Variants in LPP observed in about 807,000 individuals in gnomAD.
LPP encodes the protein lipoma-preferred partner.
Under a neutral mutation model 60.4 loss-of-function variants are expected in LPP, and 38 were observed. The ratio of observed to expected loss-of-function variants is 0.63; its 90% CI spans 0.49 to 0.83. LPP has a LOEUF of 0.83. Among genes scored for constraint, LPP ranks in the 40% least tolerant of loss-of-function variants. The pLI is 0.00. For synonymous variants in LPP, 328 were observed against 290.8 expected, an observed-to-expected ratio of 1.13 and a Z score of -1.30; for missense variants, 902 against 783.6, an observed-to-expected ratio of 1.15 and a Z score of -1.80.
intron 9 of LPP, among the ~76,000 whole-genome samples, chr3:188,766,409 A>C (rs1734179783): frequency 7.3e-6 from 1 of 136,452 alleles, no homozygotes; most frequent in Non-Finnish European, 1.6e-5. Flanking sequence ...ATTTATAACA[A>C]CTGACATTGA....
chr3:188,270,256 G>A (rs1737261044), intron 2 of LPP, among the ~76,000 whole-genome samples: 1 of 151,590 alleles, frequency 6.6e-6, no homozygotes, highest in African/African-American at 2.4e-5. Context: ...TCTAATGCTT[G>A]TATAAGAACA....
intron 10 of LPP, among the ~76,000 whole-genome samples, chr3:188,871,285 AAAT>A (rs1395658483): frequency 9.2e-5 from 14 of 152,214 alleles, no homozygotes; most frequent in Non-Finnish European, 1.3e-4. Flanking sequence ...CCAGATTTAA[AAAT>A]AATCTGGTAG....
chr3:188,496,751 C>T (rs1043517151), intron 5 of LPP, among the ~76,000 whole-genome samples: 11 of 152,152 alleles, frequency 7.2e-5, no homozygotes, highest in African/African-American at 2.4e-4. Context: ...TTGCTGTCAC[C>T]AGTTCTGTTG....
At chr3:188,576,695 G>C (rs1834695806) in intron 6 of LPP, among the ~76,000 whole-genome samples, 1 of 152,112 alleles carries the variant, frequency 6.6e-6, no homozygotes. Context: ...TGTTAGTCTT[G>C]CTACATATCG....
At chr3:188,196,619 T>A (rs1277724900) in intron 1 of LPP, among the ~76,000 whole-genome samples, 4 of 152,216 alleles carry the variant, frequency 2.6e-5, no homozygotes, top group African/African-American at 9.6e-5. Context: ...TCTTCCTGAG[T>A]GATATTCCAA....
At chr3:188,731,579 G>A (rs563237920) in intron 8 of LPP, among the ~76,000 whole-genome samples, 1 of 134,872 alleles carries the variant, frequency 7.4e-6, no homozygotes, top group Non-Finnish European at 1.7e-5. Context: ...CTGGAGTGCA[G>A]TGGTGCGATC....
intron 2 of LPP, among the ~76,000 whole-genome samples, chr3:188,254,919 C>A (rs977532704): frequency 5.3e-5 from 8 of 152,204 alleles, no homozygotes; most frequent in African/African-American, 1.9e-4. Flanking sequence ...CACAGTGTCT[C>A]CTTTCTCTGT....
rs576885915 is a variant in LPP at position 188,610,807 on chromosome 3, A to G, written c.1113+963A>G. Among the ~76,000 whole-genome samples, 32 of 152,336 alleles carry G rather than the reference A, an allele frequency of 2.1e-4. No individual in the cohort carries two copies. The highest frequency in any genetic ancestry group is 2.4e-4 in the Non-Finnish European group (16 of 68,030). Reference sequence around the variant, plus strand: ...AGAATAACTTGGAATCGGTGAAAATAGAGGAACTGAGCCAGTTTCCAGCCA... The same window carrying G: ...AGAATAACTTGGAATCGGTGAAAATGGAGGAACTGAGCCAGTTTCCAGCCA... On this transcript the variant is annotated intron_variant, in intron 7 of 11. Coordinates refer to ENST00000617246, the MANE Select transcript of LPP (RefSeq NM_001375462.1). This position sits in a 1 kb window ranked among gnomAD's most constrained non-coding sequence, Gnocchi z 4.4.
chr3:188,615,381 C>T (rs577777675), intron 7 of LPP, among the ~76,000 whole-genome samples: 20 of 152,264 alleles, frequency 1.3e-4, no homozygotes, highest in African/African-American at 4.6e-4. Flanking sequence ...AGGTTTTCTC[C>T]TCTTCCTAAA....
In LPP at chr3:188,889,380, G is replaced by A. The variant is rs1397601879; in HGVS notation, c.*14901G>A. The A allele has an allele frequency of 4.3e-6, 1 of 231,698 alleles. No individual in the cohort carries two copies. Among genetic ancestry groups the A allele is most frequent in the Non-Finnish European group, 8.5e-6 (1 of 117,114 alleles). The allele number at this position is 231,698 out of a possible 1,614,324, so 14.4% of individuals were successfully genotyped here. A position where few individuals can be genotyped will look rare whatever the true frequency, so the allele number is the denominator to read the frequency against. On this transcript the variant is annotated 3_prime_UTR_variant, in exon 12 of 12. Transcript: ENST00000617246. ...ATGATTGTAGGAGAAGGGTTGAAGG[G>A]AGGACATGATTCCAAAAAAGATCGT...
intron 6 of LPP, among the ~76,000 whole-genome samples, chr3:188,550,049 T>C (rs995195105): frequency 1.3e-5 from 2 of 152,172 alleles, no homozygotes; most frequent in African/African-American, 4.8e-5. Context: ...GATAATGCAG[T>C]ATCTTGACAT....
At chr3:188,220,230 G>A (rs541886109) in intron 1 of LPP, among the ~76,000 whole-genome samples, 4 of 151,910 alleles carry the variant, frequency 2.6e-5, no homozygotes, top group South Asian at 2.1e-4. Context: ...ATCTGGAATC[G>A]TCAACAATTT....
chr3:188,301,890 C>T (rs1749983481), intron 2 of LPP, among the ~76,000 whole-genome samples: 1 of 150,714 alleles, frequency 6.6e-6, no homozygotes, highest in African/African-American at 2.4e-5. Flanking sequence ...CTCCCGGGCT[C>T]AAACTATCTG....
intron 9 of LPP, among the ~76,000 whole-genome samples, chr3:188,821,991 T>TA (rs1022572172): frequency 2.0e-4 from 31 of 152,154 alleles, no homozygotes; most frequent in African/African-American, 7.5e-4. Context: ...GGTAGCCCCC[T>TA]AAGATGCTGT....
chr3:188,445,895 C>T (rs1418753113), intron 4 of LPP, among the ~76,000 whole-genome samples: 1 of 152,170 alleles, frequency 6.6e-6, no homozygotes, highest in African/African-American at 2.4e-5. Flanking sequence ...TTTTGTGATA[C>T]AGGATAGATG....
chr3:188,187,731 C>G (rs777302122), intron 1 of LPP, among the ~76,000 whole-genome samples: 4 of 151,922 alleles, frequency 2.6e-5, no homozygotes, highest in Non-Finnish European at 5.9e-5. Flanking sequence ...TTATTTAAAC[C>G]CCTGTGTTTT....
intron 3 of LPP, among the ~76,000 whole-genome samples, chr3:188,368,719 C>CAGAGAG (rs374471455): frequency 1.2e-4 from 12 of 99,652 alleles, no homozygotes; most frequent in South Asian, 1.0e-3. Context: ...CACACACACA[C>CAGAGAG]AGAGAGAGAG....
intron 2 of LPP, among the ~76,000 whole-genome samples, chr3:188,227,577 A>C: frequency 6.6e-6 from 1 of 152,122 alleles, no homozygotes. Flanking sequence ...GTGATTCTGC[A>C]AACCTAGAAC....
intron 9 of LPP, among the ~76,000 whole-genome samples, chr3:188,840,077 C>T (rs17673249): frequency 0.12 from 18,129 of 152,136 alleles, 1,544 homozygotes; most frequent in Non-Finnish European, 0.18. Context: ...GAAGACACAA[C>T]GGTGTATCAC....
Sources: gnomAD v4.1 joint callset for allele counts (sites outside exome capture counted in the v4.1 genomes callset) on GRCh38, gnomAD v4.1.1 for gene constraint, Gnocchi (gnomAD v3.1) non-coding constraint, MANE v1.5 for transcripts, NCBI Gene and HGNC (gene_info 2026-07-23, HGNC 2026-07-21) for gene names.